Variants in HERC2 observed in about 807,000 individuals in gnomAD.
HERC2 encodes the protein E3 ubiquitin-protein ligase HERC2.
Under a neutral mutation model 537.7 loss-of-function variants are expected in HERC2, and 102 were observed. That is an observed-to-expected ratio of 0.19 (90% CI 0.16 to 0.22). The LOEUF is 0.22. HERC2 is among the 10% of genes least tolerant of loss of function. The pLI is 1.00. For synonymous variants in HERC2, 2,224 were observed against 2,466.2 expected (o/e 0.90, Z 2.91); for missense variants, 4,236 against 6,198.2 (o/e 0.68, Z 10.63).
Position 28,125,054 on chromosome 15 carries a change from G to A in HERC2, c.12942C>T (p.Leu4314=), listed in dbSNP as rs752556958. 1.7e-5 allele frequency: 28 copies of A among 1,609,868 alleles called. No individual in the cohort carries two copies. The highest frequency in any genetic ancestry group is 2.2e-5 in the East Asian group (1 of 44,720). ...NRVACGSAHT[L]AWSTSKPASA... ...TGGCGGGCTTGCTGGTCGACCAGGC[G>A]AGGGTATGTGCTGAGCCACAGGCCA... is the stretch of plus-strand genomic sequence containing the variant. Residue 4314 remains leucine (L), a synonymous_variant, in exon 84 of 93, where the codon CTC becomes CTT. Transcript: ENST00000261609.
intron 52 of HERC2, 149 bp downstream of exon 52, chr15:28,196,066 A>C (rs1897320234): frequency 1.8e-6 from 1 of 557,432 alleles, no homozygotes; most frequent in Non-Finnish European, 3.1e-6. Flanking sequence ...ATCAGCGGGT[A>C]GGACCGTCAC....
chr15:28,211,855 A>C lies in HERC2; in HGVS notation c.6925+590T>G, dbSNP rs181109929. Among the ~76,000 whole-genome samples the C allele has an allele frequency of 2.3e-3, 357 of 152,310 alleles. 4 individuals are homozygous for C. Among genetic ancestry groups the C allele is most frequent in the African/African-American group, 8.3e-3 (347 of 41,578 alleles). ...GTGGGAGCAAGAGGGGAGAAAACTC[A>C]AGAAGAGTGGGCAGAATACGCCATA... On this transcript the variant is annotated intron_variant, in intron 43 of 92. Coordinates refer to ENST00000261609, the MANE Select transcript of HERC2 (RefSeq NM_004667.6).
chr15:28,288,816 CCA>C (rs2076232376), intron 4 of HERC2, among the ~76,000 whole-genome samples: 1 of 150,548 alleles, frequency 6.6e-6, no homozygotes. Flanking sequence ...CCATTACACT[CCA>C]GTCTGGGCAA....
chr15:28,227,260 G>A (rs746267132), intron 35 of HERC2, among the ~76,000 whole-genome samples: 10 of 148,058 alleles, frequency 6.8e-5, no homozygotes, highest in Non-Finnish European at 1.3e-4. Context: ...AGGCGACGGA[G>A]TGAGACTCCG....
chr15:28,291,423 A>G (rs1263772031), intron 4 of HERC2, among the ~76,000 whole-genome samples: 4 of 152,120 alleles, frequency 2.6e-5, no homozygotes. Context: ...ACATTTACAT[A>G]TGTATGTCCA....
At chr15:28,148,824 A>C (rs2142307041) in intron 70 of HERC2, among the ~76,000 whole-genome samples, 1 of 152,296 alleles carries the variant, frequency 6.6e-6, no homozygotes, top group Non-Finnish European at 1.5e-5. Context: ...TTCTAGTAAA[A>C]CTACTGATAA....
At chr15:28,216,068 T>C (rs1899866419) in intron 38 of HERC2, among the ~76,000 whole-genome samples, 1 of 152,092 alleles carries the variant, frequency 6.6e-6, no homozygotes, top group Non-Finnish European at 1.5e-5. Flanking sequence ...CTAAAACTCC[T>C]GGGTTCAAGT....
chr15:28,314,228 A>T (rs968978797), intron 2 of HERC2, among the ~76,000 whole-genome samples: 1 of 152,224 alleles, frequency 6.6e-6, no homozygotes, highest in Non-Finnish European at 1.5e-5. Context: ...TGAAAAAAAA[A>T]ATAGAAGTCA....
At chr15:28,275,223 T>A (rs1041830164) in intron 5 of HERC2, among the ~76,000 whole-genome samples, 4 of 152,252 alleles carry the variant, frequency 2.6e-5, no homozygotes, top group African/African-American at 9.6e-5. Flanking sequence ...AAGAAATGTA[T>A]AAGGAATTTT....
intron 56 of HERC2, among the ~76,000 whole-genome samples, chr15:28,182,854 C>A (rs1490431509): frequency 6.6e-6 from 1 of 152,228 alleles, no homozygotes; most frequent in African/African-American, 2.4e-5. Flanking sequence ...AACAGACGCA[C>A]AGCTGCTACA....
At position 28,228,409 on chromosome 15, in the gene HERC2, C is replaced by A; in HGVS notation, c.5273G>T (p.Gly1758Val). Residue 1758 changes from glycine (G) to valine (V), a missense_variant and splice_region_variant, in exon 35 of 93, where the codon GGT becomes GTT. Gly to Val is a moderately radical substitution (Grantham distance 109). This residue lies in a region of HERC2 where 343 missense variants were observed against 417.2 expected (regional missense o/e 0.82). Transcript: ENST00000261609. ...MDASAKFKEL[G>V]IQPVPLQTIT... The stretch of plus-strand genomic sequence containing the variant: ...GGTTTGCAGGGGAACCGGCTGGATA[C>A]CTAATGAGCATTGGCACCTACTGAC... 1 of 1,611,924 alleles carries A rather than the reference C, an allele frequency of 6.2e-7. No individual in the cohort carries two copies. The highest frequency in any genetic ancestry group is 1.1e-5 in the South Asian group (1 of 90,980).
intron 20 of HERC2, among the ~76,000 whole-genome samples, chr15:28,253,157 T>A (rs2140873073): frequency 6.7e-6 from 1 of 148,238 alleles, no homozygotes; most frequent in African/African-American, 2.6e-5. Flanking sequence ...TCGCTCTTCT[T>A]GGGTGATCAT....
chr15:28,146,246 C>T lies in HERC2; in HGVS notation c.10999G>A (p.Val3667Met), dbSNP rs748768501. Residue 3667 changes from valine (V) to methionine (M), a missense_variant, in exon 71 of 93, where the codon GTG (valine) becomes ATG (methionine). Around this residue, in one of 27 missense-constraint regions of HERC2, gnomAD observed 356 missense variants for 450.9 expected, o/e 0.79. Coordinates refer to ENST00000261609, the MANE Select transcript of HERC2 (RefSeq NM_004667.6). ...AACCTCCTGTCCTTACCTGACCGCA[C>T]GGAGACGATCCTGTTGACGCCGTCC... ...VMDGVNRIVS[V>M]RSGREWSDWS... 2.8e-5 allele frequency: 45 copies of T among 1,613,124 alleles called. No individual in the cohort carries two copies. Among genetic ancestry groups the T allele is most frequent in the African/African-American group, 1.1e-4 (8 of 74,862 alleles).
intron 31 of HERC2, among the ~76,000 whole-genome samples, chr15:28,230,164 T>C (rs1254403281): frequency 6.6e-6 from 1 of 152,082 alleles, no homozygotes; most frequent in African/African-American, 2.4e-5. Context: ...TGATACAATC[T>C]AATACCAAAA....
At position 28,178,913 on chromosome 15, in the gene HERC2, A is replaced by G. The variant is rs753632478; in HGVS notation, c.9137T>C (p.Val3046Ala). 6.2e-7 allele frequency: 1 copy of G among 1,614,032 alleles called. No homozygotes were observed. ...PRQITALSSY[V>A]VKKVAVHSGG... ...TGAGTGAACAGCCACCTTCTTGACCACGTAGCTGCTGAGAGCTGTGATCTG... is the reference window on the plus strand; with the variant it reads ...TGAGTGAACAGCCACCTTCTTGACCGCGTAGCTGCTGAGAGCTGTGATCTG... The change falls in exon 59 of 93, where the codon GTG (valine) becomes GCG (alanine). Residue 3046 changes from valine to alanine, a missense_variant. Physicochemically the swap from Val to Ala is moderately conservative, Grantham distance 64 (BLOSUM62 0). Transcript: ENST00000261609.
Position 28,115,502 on chromosome 15 carries a change from AG to A in HERC2, c.13648del (p.Leu4550Ter). Reference sequence around the variant, plus strand: ...GACAGGCTCGGCAAGGTTGAGGCTCAGGGGACTCCCGGTTCGGATGGCAATG... The same window carrying A: ...GACAGGCTCGGCAAGGTTGAGGCTCAGGGACTCCCGGTTCGGATGGCAATG... ...LGIAIRTGSP[L>X]SLNLAEPVWK... On this transcript the variant is annotated frameshift_variant, in exon 89 of 93. Coordinates refer to ENST00000261609, the MANE Select transcript of HERC2 (RefSeq NM_004667.6). LOFTEE classifies it high-confidence loss of function. 6.2e-7 allele frequency: 1 copy of A among 1,614,024 alleles called. No homozygotes were observed. Among genetic ancestry groups the A allele is most frequent in the Non-Finnish European group, 8.5e-7 (1 of 1,179,982 alleles).
chr15:28,270,774 G>A lies in HERC2; in HGVS notation c.1178C>T (p.Ala393Val), dbSNP rs1384923875. The A allele has an allele frequency of 6.2e-6, 10 of 1,613,792 alleles. No individual in the cohort carries two copies. In the Admixed American group the frequency reaches 8.3e-5, roughly 13 times the overall value. ...GTCTAAATGGGCCATGACAACAACC[G>A]CCGTTTGTCGCAGATCAATGGCAAG... ...NELAIDLRQT[A>V]VVVMAHLDRL... Residue 393 changes from alanine (A) to valine (V), a missense_variant, in exon 10 of 93, where the codon GCG (alanine) becomes GTG (valine). Physicochemically the swap from Ala to Val is moderately conservative, Grantham distance 64. Coordinates refer to ENST00000261609, the MANE Select transcript of HERC2 (RefSeq NM_004667.6).
intron 52 of HERC2, among the ~76,000 whole-genome samples, chr15:28,195,010 C>T (rs1439601489): frequency 3.3e-5 from 5 of 149,968 alleles, no homozygotes; most frequent in Middle Eastern, 3.4e-3. Context: ...GAGCCAGGAT[C>T]GCGCCACTGC....
At chr15:28,276,192 CAAAAAAAAAAAAAA>C (rs11359639) in intron 5 of HERC2, among the ~76,000 whole-genome samples, 1 of 70,104 alleles carries the variant, frequency 1.4e-5, no homozygotes, top group Admixed American at 2.3e-4. Flanking sequence ...TCTCAAAAAA[CAAAAAAAAAAAAAA>C]AAAAAAAAAA....
Sources: gnomAD v4.1 joint callset for allele counts (sites outside exome capture counted in the v4.1 genomes callset) on GRCh38, gnomAD v4.1.1 for gene constraint, gnomAD v4.1.1 regional missense constraint, MANE v1.5 for transcripts, NCBI Gene and HGNC (gene_info 2026-07-23, HGNC 2026-07-21) for gene names.